PRELID2: variants seen among roughly 807,000 people sequenced by gnomAD.
PRELID2 encodes the protein PRELI domain-containing protein 2.
Under a neutral mutation model 28.4 loss-of-function variants are expected in PRELID2, and 25 were observed. The ratio of observed to expected loss-of-function variants is 0.88; its 90% CI spans 0.64 to 1.23. PRELID2 has a LOEUF of 1.23. Among genes scored for constraint, PRELID2 ranks in the 50% most tolerant of loss-of-function variants. The probability of loss-of-function intolerance (pLI) is 0.00; values close to 1 mark genes in which losing one functional copy is unlikely to be tolerated. For missense variants in PRELID2, 201 were observed against 214.4 expected (o/e 0.94, Z 0.39); for synonymous variants, 76 against 71.6 (o/e 1.06, Z -0.31).
At chr5:145,266,247 G>A in the PRELID2 span, among the ~76,000 whole-genome samples, 1 of 151,924 alleles carries the variant, frequency 6.6e-6, no homozygotes, top group Non-Finnish European at 1.5e-5. Flanking sequence ...TACAAGAAAT[G>A]AGGAGGGGGA....
At chr5:145,764,497 T>C (rs62392327) in intron 6 of PRELID2, among the ~76,000 whole-genome samples, 2,318 of 152,346 alleles carry the variant, frequency 0.015, 27 homozygotes, top group Middle Eastern at 0.051. Flanking sequence ...GAAATACATA[T>C]GACTAATAAG....
At chr5:145,643,730 T>C (rs1462682856) in intron 1 of PRELID2, among the ~76,000 whole-genome samples, 1 of 152,224 alleles carries the variant, frequency 6.6e-6, no homozygotes, top group African/African-American at 2.4e-5. Flanking sequence ...GAAGGGGTGT[T>C]GAATTTTGTC....
chr5:145,435,489 C>T, the PRELID2 span, among the ~76,000 whole-genome samples: 1 of 152,138 alleles, frequency 6.6e-6, no homozygotes, highest in African/African-American at 2.4e-5. Context: ...TCTAAAGAAA[C>T]AACACTTTCC....
At chr5:145,598,202 G>T (rs78648019) in intron 1 of PRELID2, among the ~76,000 whole-genome samples, 10,842 of 152,198 alleles carry the variant, frequency 0.071, 583 homozygotes, top group Admixed American at 0.18. Context: ...GGTAAGAAAA[G>T]AGAAGTCTAT....
At chr5:145,465,886 T>G in the PRELID2 span, among the ~76,000 whole-genome samples, 1 of 152,160 alleles carries the variant, frequency 6.6e-6, no homozygotes, top group Non-Finnish European at 1.5e-5. Flanking sequence ...TTTCAAACTT[T>G]TCCTTTTCCA....
the PRELID2 span, among the ~76,000 whole-genome samples, chr5:145,390,627 A>G: frequency 6.6e-6 from 1 of 152,110 alleles, no homozygotes; most frequent in African/African-American, 2.4e-5. Flanking sequence ...GAGCCAAACC[A>G]TATCATTCTG....
the PRELID2 span, among the ~76,000 whole-genome samples, chr5:145,238,366 T>C: frequency 2.0e-3 from 300 of 152,260 alleles, no homozygotes; most frequent in African/African-American, 7.0e-3. Context: ...CGGATGTTTC[T>C]TCCATTATTC....
chr5:145,574,187 A>G (rs906609898), intron 1 of PRELID2, among the ~76,000 whole-genome samples: 5 of 152,170 alleles, frequency 3.3e-5, no homozygotes, highest in African/African-American at 7.2e-5. Context: ...TTCGTTAGCT[A>G]TGAAGATGTA....
the PRELID2 span, among the ~76,000 whole-genome samples, chr5:145,373,916 T>TATTATATATTACAACATATATAATATA: frequency 1.5e-5 from 2 of 134,986 alleles, no homozygotes; most frequent in African/African-American, 2.8e-5. Context: ...ATAATATATA[T>TATTATATATTACAACATATATAATATA]GATATTATAT....
At chr5:145,315,545 GGTGTGTGTGTGTGTGTGT>G in the PRELID2 span, among the ~76,000 whole-genome samples, 1,459 of 142,848 alleles carry the variant, frequency 0.01, 9 homozygotes, top group African/African-American at 0.014. Context: ...GCTCTTTCAG[GGTGTGTGTGTGTGTGTGT>G]GTGTGTGTGT....
chr5:145,394,907 C>T, the PRELID2 span, among the ~76,000 whole-genome samples: 2 of 152,064 alleles, frequency 1.3e-5, no homozygotes, highest in Admixed American at 6.6e-5. Flanking sequence ...GTAGAGAACA[C>T]TTAATCTCTT....
intron 5 of PRELID2, among the ~76,000 whole-genome samples, chr5:145,778,246 G>T (rs538061446): frequency 6.6e-6 from 1 of 152,048 alleles, no homozygotes; most frequent in East Asian, 1.9e-4. Context: ...CTAGAAATAG[G>T]ATTATCAGCT....
At chr5:145,409,196 C>A in the PRELID2 span, among the ~76,000 whole-genome samples, 1 of 152,080 alleles carries the variant, frequency 6.6e-6, no homozygotes, top group Non-Finnish European at 1.5e-5. Context: ...ACCAAGCCAG[C>A]ACTACAAGAA....
intron 1 of PRELID2, among the ~76,000 whole-genome samples, chr5:145,559,180 G>A (rs576473545): frequency 9.2e-5 from 14 of 152,102 alleles, no homozygotes; most frequent in African/African-American, 3.1e-4. Flanking sequence ...GCATGAACCC[G>A]GGAGGCGGAG....
At position 145,741,225 on chromosome 5, in the gene PRELID2, T is replaced by C. The variant is rs866530320; in HGVS notation, n.70+23706A>G. On this transcript the variant is annotated intron_variant and non_coding_transcript_variant, in intron 1 of 2. Coordinates refer to the PRELID2 transcript ENST00000510259. The stretch of plus-strand genomic sequence containing the variant: ...GATATAAATATATATAAAATATATA[T>C]ATAATATATAATATAAATATATAAT... Among the ~76,000 whole-genome samples the C allele has an allele frequency of 2.5e-4, 12 of 47,938 alleles. 1 individual carries two copies. Among genetic ancestry groups the C allele is most frequent in the African/African-American group, 8.3e-4 (11 of 13,326 alleles). The allele number at this position is 47,938 out of a possible 152,430, so 31.4% of individuals were successfully genotyped here. A position where few individuals can be genotyped will look rare whatever the true frequency, so the allele number is the denominator to read the frequency against.
Position 145,757,203 on chromosome 5 carries a change from CA to C in PRELID2, c.*3332del, listed in dbSNP as rs1329790078. Among the ~76,000 whole-genome samples the C allele has an allele frequency of 1.3e-5, 2 of 152,130 alleles. No individual in the cohort carries two copies. Among genetic ancestry groups the C allele is most frequent in the African/African-American group, 2.4e-5 (1 of 41,424 alleles). On this transcript the variant is annotated 3_prime_UTR_variant, in exon 7 of 7. Coordinates refer to ENST00000683046, the MANE Select transcript of PRELID2 (RefSeq NM_205846.3). ...ACATATATACTGCTTATAAAATACA[CA>C]AAGTAGTTCATAGAAAAAGAATACA...
At chr5:145,719,173 T>G (rs112076277) in intron 1 of PRELID2, among the ~76,000 whole-genome samples, 2 of 151,782 alleles carry the variant, frequency 1.3e-5, no homozygotes, top group Non-Finnish European at 1.5e-5. Flanking sequence ...CTGAAGGCAT[T>G]TGTAGAGAAT....
At chr5:145,718,487 C>T (rs141575466) in intron 1 of PRELID2, among the ~76,000 whole-genome samples, 232 of 151,602 alleles carry the variant, frequency 1.5e-3, no homozygotes, top group African/African-American at 4.8e-3. Flanking sequence ...ATAAATTTTC[C>T]GATAACTAAT....
intron 1 of PRELID2, among the ~76,000 whole-genome samples, chr5:145,476,105 A>G (rs1307416805): frequency 6.6e-6 from 1 of 152,180 alleles, no homozygotes; most frequent in Non-Finnish European, 1.5e-5. Flanking sequence ...GACTCTACCA[A>G]AAAGACTCCA....
Sources: allele counts gnomAD v4.1 joint callset (sites outside exome capture counted in the v4.1 genomes callset), GRCh38; gene constraint gnomAD v4.1.1; transcripts MANE v1.5; gene names NCBI Gene and HGNC (gene_info 2026-07-23, HGNC 2026-07-21).